The following ARHGAP24 variants were observed in gnomAD, a reference collection of about 807,000 sequenced individuals.
ARHGAP24 encodes Rho GTPase activating protein 24.
Under a neutral mutation model 76.4 loss-of-function variants are expected in ARHGAP24, and 50 were observed. The observed-to-expected ratio is 0.65, with a 90% CI of 0.52 to 0.83. The LOEUF is 0.83. Among genes scored for constraint, ARHGAP24 ranks in the 40% least tolerant of loss-of-function variants. The pLI is 0.00. For synonymous variants in ARHGAP24, 345 were observed against 323.3 expected, an observed-to-expected ratio of 1.07 and a Z score of -0.72; for missense variants, 930 against 914.2, an observed-to-expected ratio of 1.02 and a Z score of -0.22.
intron 5 of ARHGAP24, among the ~76,000 whole-genome samples, chr4:85,959,534 G>GT (rs1738120839): frequency 6.6e-6 from 1 of 152,094 alleles, no homozygotes; most frequent in African/African-American, 2.4e-5. Flanking sequence ...TATATCAGTA[G>GT]TTTTTCCCTT....
intron 1 of ARHGAP24, among the ~76,000 whole-genome samples, chr4:85,500,241 A>C (rs1180507832): frequency 6.6e-6 from 1 of 152,172 alleles, no homozygotes. Flanking sequence ...GGCTTCTATT[A>C]TATTCCTATG....
At chr4:85,551,173 G>T (rs2110129021) in intron 1 of ARHGAP24, among the ~76,000 whole-genome samples, 1 of 152,270 alleles carries the variant, frequency 6.6e-6, no homozygotes, top group South Asian at 2.1e-4. Flanking sequence ...GTTTGTCATA[G>T]ATGGCTTTTA....
intron 2 of ARHGAP24, among the ~76,000 whole-genome samples, chr4:85,683,908 T>G (rs1723324427): frequency 6.6e-6 from 1 of 152,210 alleles, no homozygotes; most frequent in African/African-American, 2.4e-5. Context: ...CCAGGTTGCA[T>G]CATATAGTAG....
intron 4 of ARHGAP24, among the ~76,000 whole-genome samples, chr4:85,932,481 A>G (rs964936778): frequency 5.3e-5 from 7 of 131,668 alleles, no homozygotes; most frequent in African/African-American, 2.0e-4. Flanking sequence ...CCCGTCTCCC[A>G]TAGAATCCTT....
chr4:85,772,072 A>G (rs149165935), intron 3 of ARHGAP24, among the ~76,000 whole-genome samples: 32 of 152,324 alleles, frequency 2.1e-4, no homozygotes, highest in African/African-American at 7.0e-4. Context: ...AATATTACAA[A>G]TAGTTTATTA....
intron 2 of ARHGAP24, among the ~76,000 whole-genome samples, chr4:85,660,794 C>CAA (rs34228407): frequency 0.073 from 4,318 of 59,266 alleles, 620 homozygotes; most frequent in East Asian, 0.21. Flanking sequence ...GACTCCGTCT[C>CAA]AAAAAAAAAA....
chr4:85,935,334 A>G (rs1170773313), intron 4 of ARHGAP24, among the ~76,000 whole-genome samples: 1 of 152,246 alleles, frequency 6.6e-6, no homozygotes, highest in Non-Finnish European at 1.5e-5. Context: ...CGAAACATAA[A>G]TAAGTACTTT....
At chr4:85,664,251 T>A (rs1722519542) in intron 2 of ARHGAP24, among the ~76,000 whole-genome samples, 1 of 151,218 alleles carries the variant, frequency 6.6e-6, no homozygotes, top group Non-Finnish European at 1.5e-5. Flanking sequence ...AGAGTGTATG[T>A]GTCGAGGAAT....
chr4:85,659,115 C>T (rs1014908933), intron 2 of ARHGAP24, among the ~76,000 whole-genome samples: 6 of 152,016 alleles, frequency 3.9e-5, no homozygotes, highest in African/African-American at 1.5e-4. Flanking sequence ...ACAGATATCT[C>T]GTGGGTAGAA....
At chr4:85,985,178 C>A (rs146684890) in intron 8 of ARHGAP24, among the ~76,000 whole-genome samples, 1 of 152,152 alleles carries the variant, frequency 6.6e-6, no homozygotes, top group East Asian at 1.9e-4. Context: ...AAGACACATG[C>A]GTATGTATGT....
chr4:85,647,965 C>T (rs551245603), intron 2 of ARHGAP24, among the ~76,000 whole-genome samples: 12 of 152,142 alleles, frequency 7.9e-5, no homozygotes, highest in African/African-American at 2.4e-4. Context: ...TTTCTAGAGT[C>T]ATTGCTGTAC....
intron 3 of ARHGAP24, among the ~76,000 whole-genome samples, chr4:85,885,061 G>T (rs559135583): frequency 9.1e-4 from 138 of 152,180 alleles, no homozygotes; most frequent in African/African-American, 3.2e-3. Context: ...ATGGAAAAAA[G>T]TTTTCTTATT....
intron 3 of ARHGAP24, among the ~76,000 whole-genome samples, chr4:85,909,692 T>C (rs1401761771): frequency 6.6e-6 from 1 of 152,218 alleles, no homozygotes; most frequent in Non-Finnish European, 1.5e-5. Flanking sequence ...TCTGGCTGAT[T>C]ACTCTTTAAT....
intron 3 of ARHGAP24, among the ~76,000 whole-genome samples, chr4:85,917,041 T>G (rs1256135232): frequency 1.3e-5 from 2 of 152,108 alleles, no homozygotes; most frequent in Non-Finnish European, 2.9e-5. Context: ...TAGGTATACC[T>G]CCTAATGCTA....
At chr4:85,686,075 A>G (rs1560585310) in intron 2 of ARHGAP24, among the ~76,000 whole-genome samples, 1 of 152,162 alleles carries the variant, frequency 6.6e-6, no homozygotes. Flanking sequence ...CTGTCTCAGG[A>G]TAGTTGGTAG....
intron 3 of ARHGAP24, among the ~76,000 whole-genome samples, chr4:85,734,534 T>C (rs187162061): frequency 1.8e-4 from 28 of 152,004 alleles, no homozygotes; most frequent in Non-Finnish European, 8.8e-5. Context: ...TGTAGTGAAT[T>C]ACCAACTTGT....
intron 2 of ARHGAP24, among the ~76,000 whole-genome samples, chr4:85,624,410 C>T (rs571839927): frequency 4.7e-4 from 71 of 152,224 alleles, no homozygotes; most frequent in African/African-American, 1.6e-3. Context: ...GTATGTTGAA[C>T]CAGCCTTGCA....
intron 2 of ARHGAP24, among the ~76,000 whole-genome samples, chr4:85,637,492 A>T (rs1721349946): frequency 6.6e-6 from 1 of 152,094 alleles, no homozygotes; most frequent in African/African-American, 2.4e-5. Flanking sequence ...AGATTACAAC[A>T]TCTAAATGTA....
At chr4:85,595,730 C>A (rs1719805462) in intron 2 of ARHGAP24, among the ~76,000 whole-genome samples, 1 of 151,696 alleles carries the variant, frequency 6.6e-6, no homozygotes, top group Non-Finnish European at 1.5e-5. Flanking sequence ...GACGTAATGA[C>A]AAAAAAATCC....
Sources: allele counts gnomAD v4.1 joint callset (sites outside exome capture counted in the v4.1 genomes callset), GRCh38; gene constraint gnomAD v4.1.1; transcripts MANE v1.5; gene names NCBI Gene and HGNC (gene_info 2026-07-23, HGNC 2026-07-21).